Variants in TRDN observed in about 807,000 individuals in gnomAD.
The protein encoded by TRDN is triadin in skeletal muscle.
TRDN carries 161 observed loss-of-function variants against 149.7 expected under a neutral mutation model. The ratio of observed to expected loss-of-function variants is 1.08; its 90% CI spans 0.95 to 1.23. The LOEUF (loss-of-function observed/expected upper bound fraction) is 1.23, where lower values mean the gene tolerates loss of function less well. TRDN is among the 50% of genes most tolerant of loss of function. The probability of loss-of-function intolerance (pLI) is 0.00; values close to 1 mark genes in which losing one functional copy is unlikely to be tolerated. For missense variants in TRDN, 896 were observed against 823.5 expected, an observed-to-expected ratio of 1.09 and a Z score of -1.08; for synonymous variants, 294 against 250.5, an observed-to-expected ratio of 1.17 and a Z score of -1.64.
chr6:123,577,200 T>TTCATTTCAC (rs1461579263), intron 1 of TRDN, among the ~76,000 whole-genome samples: 1 of 152,018 alleles, frequency 6.6e-6, no homozygotes, highest in African/African-American at 2.4e-5. Flanking sequence ...CAAGGCAGAT[T>TTCATTTCAC]TCATTTCACG....
At chr6:123,558,664 G>A (rs990005313) in intron 2 of TRDN, among the ~76,000 whole-genome samples, 13 of 152,134 alleles carry the variant, frequency 8.5e-5, no homozygotes, top group East Asian at 7.7e-4. Flanking sequence ...ATCTGCTCCC[G>A]ACATTAAATA....
intron 12 of TRDN, 145 bp from the exon 13 acceptor site, chr6:123,393,822 T>G: frequency 1.5e-6 from 1 of 678,610 alleles, no homozygotes; most frequent in Non-Finnish European, 2.5e-6. Flanking sequence ...CATAAACTTA[T>G]TAGAGGAATT....
chr6:123,608,901 G>A (rs964392405), intron 1 of TRDN, among the ~76,000 whole-genome samples: 6 of 151,848 alleles, frequency 4.0e-5, no homozygotes, highest in African/African-American at 1.2e-4. Context: ...GGCTGGGCTC[G>A]GTGGCTCACA....
At chr6:123,498,735 G>T in intron 8 of TRDN, 1 of 393,642 alleles carries the variant, frequency 2.5e-6, no homozygotes, top group Non-Finnish European at 5.3e-6. Context: ...CTGTAGAACT[G>T]GCAATTTGAC....
At chr6:123,264,488 G>A (rs1229268448) in intron 33 of TRDN, among the ~76,000 whole-genome samples, 3 of 151,912 alleles carry the variant, frequency 2.0e-5, no homozygotes, top group Non-Finnish European at 4.4e-5. Context: ...TACTTGAGAT[G>A]GAATCTACTT....
intron 12 of TRDN, among the ~76,000 whole-genome samples, chr6:123,434,992 T>A (rs776352727): frequency 6.6e-6 from 1 of 151,862 alleles, no homozygotes; most frequent in Non-Finnish European, 1.5e-5. Context: ...GATTTACCAG[T>A]GTCATACGGT....
chr6:123,349,807 G>A, intron 21 of TRDN: 1 of 984,862 alleles, frequency 1.0e-6, no homozygotes, highest in Non-Finnish European at 1.2e-6. Flanking sequence ...AAAGACCAGT[G>A]CATACACAAA....
chr6:123,403,515 A>G (rs1773068722), intron 12 of TRDN, among the ~76,000 whole-genome samples: 1 of 152,190 alleles, frequency 6.6e-6, no homozygotes, highest in African/African-American at 2.4e-5. Flanking sequence ...AGAGAAAAAT[A>G]TGGAAAAGTC....
Position 123,352,623 on chromosome 6 carries a change from G to A in TRDN, c.1322-37C>T, listed in dbSNP as rs1780510423. 5 of 1,589,352 alleles carry A rather than the reference G, an allele frequency of 3.1e-6. No individual in the cohort carries two copies. The South Asian group carries it at 5.8e-5, about 18-fold the overall frequency. On this transcript the variant is annotated intron_variant, in intron 20 of 40. Transcript: ENST00000334268. ...AGATAAGGTTTAAAGAAGAGTTCCA[G>A]ACAGAAATACTGCTTCTGCTCAAAA...
chr6:123,476,478 T>C (rs1777480074), intron 9 of TRDN, among the ~76,000 whole-genome samples: 1 of 108,432 alleles, frequency 9.2e-6, no homozygotes, highest in African/African-American at 3.4e-5. Flanking sequence ...AAAATGGCCA[T>C]ACTACCCAAG....
intron 5 of TRDN, among the ~76,000 whole-genome samples, chr6:123,517,420 A>G (rs967631432): frequency 2.0e-5 from 3 of 152,106 alleles, no homozygotes; most frequent in African/African-American, 7.2e-5. Flanking sequence ...TCTCATATTA[A>G]CCTTTCTAAC....
chr6:123,339,010 T>G (rs9490735), intron 21 of TRDN, among the ~76,000 whole-genome samples: 38,724 of 150,974 alleles, frequency 0.26, 5,137 homozygotes, highest in Non-Finnish European at 0.28. Flanking sequence ...GTATTAGGGG[T>G]TTTTTTTTGT....
intron 24 of TRDN, among the ~76,000 whole-genome samples, chr6:123,287,324 T>C (rs1176767374): frequency 6.6e-6 from 1 of 152,136 alleles, no homozygotes; most frequent in East Asian, 1.9e-4. Context: ...GGTCTATATT[T>C]AGGCAGCAAT....
chr6:123,224,014 G>GAAAA, intron 39 of TRDN, 79 bp downstream of exon 39: 2 of 1,140,318 alleles, frequency 1.8e-6, no homozygotes, highest in Non-Finnish European at 2.4e-6. Context: ...GAATAGCTAG[G>GAAAA]AAAAAAAAAA....
At chr6:123,583,252 G>A (rs1289001823) in intron 1 of TRDN, among the ~76,000 whole-genome samples, 2 of 152,134 alleles carry the variant, frequency 1.3e-5, no homozygotes, top group Non-Finnish European at 1.5e-5. Flanking sequence ...ATGAGTAGTT[G>A]AGAACGGTGA....
At chr6:123,312,313 C>T (rs770282657) in intron 24 of TRDN, among the ~76,000 whole-genome samples, 20 of 151,976 alleles carry the variant, frequency 1.3e-4, no homozygotes, top group African/African-American at 3.4e-4. Context: ...ACTTCTGCCA[C>T]TCCTGAGAGA....
At chr6:123,238,299 A>C (rs1330483935) in intron 38 of TRDN, among the ~76,000 whole-genome samples, 1 of 152,206 alleles carries the variant, frequency 6.6e-6, no homozygotes, top group East Asian at 1.9e-4. Flanking sequence ...GTTTTTGAAC[A>C]AAATTACCAT....
In TRDN at chr6:123,278,850, T is replaced by C. The variant is rs562812113; in HGVS notation, c.1537+206A>G. 3.2e-3 allele frequency among the ~76,000 whole-genome samples: 487 copies of C among 152,248 alleles called. 1 individual carries two copies. Among genetic ancestry groups the C allele is most frequent in the Non-Finnish European group, 5.6e-3 (380 of 68,014 alleles). On this transcript the variant is annotated intron_variant, in intron 25 of 40. Transcript: ENST00000334268. ...GGTAAGGAAAGATGCTTCCAGTGAA[T>C]AAAAGATAAAGGAAAATTTTGGTAT...
intron 24 of TRDN, among the ~76,000 whole-genome samples, chr6:123,306,232 T>G (rs147863555): frequency 6.6e-6 from 1 of 152,188 alleles, no homozygotes; most frequent in Non-Finnish European, 1.5e-5. Context: ...CCTGAGAACA[T>G]TTTTCTTTCT....
Sources: allele counts gnomAD v4.1 joint callset (sites outside exome capture counted in the v4.1 genomes callset), GRCh38; gene constraint gnomAD v4.1.1; transcripts MANE v1.5; gene names NCBI Gene and HGNC (gene_info 2026-07-23, HGNC 2026-07-21).